Variants in ATP6V0A4 observed in about 807,000 individuals in gnomAD.
The protein encoded by ATP6V0A4 is ATPase H+ transporting V0 subunit a4.
Under a neutral mutation model 107.3 loss-of-function variants are expected in ATP6V0A4, and 86 were observed. That is an observed-to-expected ratio of 0.80 (90% CI 0.67 to 0.96). The LOEUF (loss-of-function observed/expected upper bound fraction) is 0.96. Among genes scored for constraint, ATP6V0A4 ranks in the 40% least tolerant of loss-of-function variants. The probability of loss-of-function intolerance (pLI) is 0.00; values close to 1 mark genes in which losing one functional copy is unlikely to be tolerated. For synonymous variants in ATP6V0A4, 353 were observed against 381.4 expected, an observed-to-expected ratio of 0.93 and a Z score of 0.87; for missense variants, 908 against 1,045.6, an observed-to-expected ratio of 0.87 and a Z score of 1.81.
intron 19 of ATP6V0A4, 147 bp downstream of exon 19, chr7:138,721,750 T>C: frequency 2.3e-6 from 2 of 864,984 alleles, no homozygotes; most frequent in Non-Finnish European, 3.6e-6. Flanking sequence ...TCCCCTTCCC[T>C]GAGACCTTCA....
chr7:138,744,259 T>C (rs542613231), intron 14 of ATP6V0A4, among the ~76,000 whole-genome samples: 5 of 148,246 alleles, frequency 3.4e-5, no homozygotes, highest in East Asian at 2.0e-4. Context: ...TTTTTTTCAG[T>C]TGGAGTCTTG....
intron 14 of ATP6V0A4, among the ~76,000 whole-genome samples, chr7:138,743,373 G>A (rs187488666): frequency 3.7e-4 from 56 of 150,654 alleles, no homozygotes; most frequent in African/African-American, 1.2e-3. Flanking sequence ...CAGGAGAATC[G>A]CTTGAACCCG....
At chr7:138,776,656 G>C (rs142284311) in intron 2 of ATP6V0A4, among the ~76,000 whole-genome samples, 2 of 152,122 alleles carry the variant, frequency 1.3e-5, no homozygotes, top group East Asian at 1.9e-4. Flanking sequence ...GTTTTCAAAC[G>C]TCTGGGTGCT....
chr7:138,747,698 C>T (rs1317601374), intron 12 of ATP6V0A4, 134 bp from the exon 13 acceptor site: 2 of 1,383,008 alleles, frequency 1.4e-6, no homozygotes, highest in African/African-American at 1.4e-5. Flanking sequence ...CTCACCATCC[C>T]TACCCTGACA....
intron 21 of ATP6V0A4, among the ~76,000 whole-genome samples, chr7:138,707,068 A>ATGTGGGTGTGTG: frequency 1.1e-5 from 1 of 90,094 alleles, no homozygotes. Context: ...GCTAATTTAT[A>ATGTGGGTGTGTG]TGTGTGTGTG....
In ATP6V0A4 at chr7:138,707,943, T is replaced by C. The variant is rs537487344; in HGVS notation, c.2430-1226A>G. ...TCTAAAATGTGGGACTCACATATTATAGAACGCAAAGACCCTTGACCTGTA... is the reference window on the plus strand; with the variant it reads ...TCTAAAATGTGGGACTCACATATTACAGAACGCAAAGACCCTTGACCTGTA... On this transcript the variant is annotated intron_variant, in intron 21 of 21. Transcript: ENST00000310018. Among the ~76,000 whole-genome samples the C allele has an allele frequency of 3.3e-5, 5 of 152,182 alleles. No individual in the cohort carries two copies. The East Asian group carries it at 7.7e-4, about 24-fold the overall frequency.
At chr7:138,718,449 A>C (rs1237761812) in intron 19 of ATP6V0A4, among the ~76,000 whole-genome samples, 1 of 52,806 alleles carries the variant, frequency 1.9e-5, no homozygotes, top group African/African-American at 8.7e-5. Flanking sequence ...GGAGGGAGAC[A>C]TCCAGGAAGG....
chr7:138,769,072 T>C (rs926623345), intron 4 of ATP6V0A4, 101 bp downstream of exon 4: 2 of 1,591,042 alleles, frequency 1.3e-6, no homozygotes, highest in Admixed American at 1.7e-5. Flanking sequence ...CAAAAAGTAT[T>C]GCAAATAGGG....
chr7:138,789,219 G>T (rs1466062354), intron 1 of ATP6V0A4, among the ~76,000 whole-genome samples: 36 of 147,396 alleles, frequency 2.4e-4, no homozygotes, highest in East Asian at 3.9e-4. Context: ...GGTTTTTTGG[G>T]GGGTTTTTTT....
At chr7:138,730,354 G>GTGTGTGTT (rs2117232380) in intron 17 of ATP6V0A4, among the ~76,000 whole-genome samples, 1 of 142,998 alleles carries the variant, frequency 7.0e-6, no homozygotes, top group East Asian at 1.9e-4. Context: ...GTGTGTGTGT[G>GTGTGTGTT]TGTGTGTGTG....
At chr7:138,742,050 T>C (rs1033962953) in intron 14 of ATP6V0A4, among the ~76,000 whole-genome samples, 3 of 152,180 alleles carry the variant, frequency 2.0e-5, no homozygotes, top group African/African-American at 7.2e-5. Context: ...GACAGTTAAT[T>C]CGGGCCTTTC....
intron 20 of ATP6V0A4, among the ~76,000 whole-genome samples, chr7:138,710,441 C>T (rs1421385346): frequency 6.6e-6 from 1 of 152,026 alleles, no homozygotes; most frequent in African/African-American, 2.4e-5. Flanking sequence ...CCACCCGCCT[C>T]GGCCTCCAAA....
In ATP6V0A4 at chr7:138,749,063, A is replaced by G. The variant is rs1806097157; in HGVS notation, c.1180+104T>C. ...TCCCACAGCTACTACCCTAGCCCCAAGCCTCACAGTTTTAACAAGTTCACC... is the reference window on the plus strand; with the variant it reads ...TCCCACAGCTACTACCCTAGCCCCAGGCCTCACAGTTTTAACAAGTTCACC... On this transcript the variant is annotated intron_variant, in intron 12 of 21. Transcript: ENST00000310018. 3.5e-6 allele frequency: 5 copies of G among 1,446,328 alleles called. No individual in the cohort carries two copies. The South Asian group carries it at 4.6e-5, about 13-fold the overall frequency. 89.6% of individuals were successfully genotyped at this position (1,446,328 alleles called of 1,614,324 possible). A position where few individuals can be genotyped will look rare whatever the true frequency, so the allele number is the denominator to read the frequency against.
chr7:138,737,527 C>T (rs959130111), intron 15 of ATP6V0A4, among the ~76,000 whole-genome samples: 1 of 151,020 alleles, frequency 6.6e-6, no homozygotes, highest in Non-Finnish European at 1.5e-5. Context: ...CTCTGAGGAA[C>T]AGGACTGCAG....
chr7:138,718,201 GGTGTGTGT>G (rs745612469), intron 19 of ATP6V0A4, among the ~76,000 whole-genome samples: 1 of 45,540 alleles, frequency 2.2e-5, no homozygotes, highest in African/African-American at 1.4e-4. Context: ...GGAAGGAATG[GGTGTGTGT>G]GTGTGTGTGT....
intron 2 of ATP6V0A4, among the ~76,000 whole-genome samples, chr7:138,779,169 T>A (rs1807810764): frequency 1.3e-5 from 2 of 151,894 alleles, no homozygotes; most frequent in South Asian, 4.2e-4. Context: ...AGTGAGACTA[T>A]CATCTCTACA....
intron 13 of ATP6V0A4, among the ~76,000 whole-genome samples, chr7:138,745,532 C>T (rs1362134247): frequency 6.6e-6 from 1 of 151,768 alleles, no homozygotes; most frequent in Non-Finnish European, 1.5e-5. Context: ...CAAAAATTAG[C>T]TGGGCGTGGT....
intron 4 of ATP6V0A4, 83 bp from the exon 5 acceptor site, chr7:138,768,957 C>CT: frequency 6.3e-7 from 1 of 1,590,560 alleles, no homozygotes; most frequent in South Asian, 1.1e-5. Context: ...AGACATGTGC[C>CT]TTTCACTCAG....
chr7:138,795,817 GT>G (rs34865936), intron 1 of ATP6V0A4, among the ~76,000 whole-genome samples: 46,669 of 151,078 alleles, frequency 0.31, 8,283 homozygotes, highest in South Asian at 0.49. Context: ...ATTTTTTTGT[GT>G]TTTTTTTTGT....
Sources: gnomAD v4.1 joint callset for allele counts (sites outside exome capture counted in the v4.1 genomes callset) on GRCh38, gnomAD v4.1.1 for gene constraint, MANE v1.5 for transcripts, NCBI Gene and HGNC (gene_info 2026-07-23, HGNC 2026-07-21) for gene names.